BTNL9: variants seen among roughly 807,000 people sequenced by gnomAD.
The protein encoded by BTNL9 is butyrophilin-like protein 9.
Under a neutral mutation model 45.8 loss-of-function variants are expected in BTNL9, and 45 were observed. That is an observed-to-expected ratio of 0.98 (90% CI 0.77 to 1.26). The LOEUF is 1.26. BTNL9 is among the 50% of genes most tolerant of loss of function. The probability of loss-of-function intolerance (pLI) is 0.00; values close to 1 mark genes in which losing one functional copy is unlikely to be tolerated. For synonymous variants in BTNL9, 346 were observed against 330.8 expected (o/e 1.05, Z -0.50); for missense variants, 784 against 729.7 (o/e 1.07, Z -0.86).
In BTNL9 at chr5:181,053,835, T is replaced by C. The variant is rs1023039207; in HGVS notation, c.886+334T>C. 1 of 1,508,798 alleles carries C rather than the reference T, an allele frequency of 6.6e-7. No individual in the cohort carries two copies. The highest frequency in any genetic ancestry group is 1.4e-5 in the African/African-American group (1 of 72,500). The allele number at this position is 1,508,798 out of a possible 1,614,324, so 93.5% of individuals were successfully genotyped here. ...CTGCCAGCGCCACCTCGTCCAGGTT[T>C]TCATAGCGCACAGGGAGTCGGGCGG... On this transcript the variant is annotated intron_variant, in intron 6 of 10. Coordinates refer to ENST00000327705, the MANE Select transcript of BTNL9 (RefSeq NM_152547.5). This position sits in a 1 kb window ranked among gnomAD's most constrained non-coding sequence, Gnocchi z 6.5.
Position 181,059,309 on chromosome 5 carries a change from C to T in BTNL9, c.1055C>T (p.Ser352Phe), listed in dbSNP as rs778640512. ...EVSEDGKSVS[S>F]RGAPPGPAPG... ...TCGGAGGATGGCAAGAGCGTGTCTT[C>T]CCGCGGGGCGCCGCCAGGCCCGGCG... is the stretch of plus-strand genomic sequence containing the variant. The change falls in exon 11 of 11, where the codon TCC becomes TTC. Residue 352 changes from serine (S) to phenylalanine (F), a missense_variant. By Grantham distance (155) the Ser-to-Phe change is radical. Transcript: ENST00000327705. The T allele has an allele frequency of 1.6e-5, 25 of 1,562,744 alleles. No individual in the cohort carries two copies. The highest frequency in any genetic ancestry group is 9.5e-5 in the African/African-American group (7 of 73,806).
intron 1 of BTNL9, among the ~76,000 whole-genome samples, chr5:181,043,701 G>A (rs574674287): frequency 3.4e-4 from 51 of 152,236 alleles, no homozygotes; most frequent in Non-Finnish European, 6.8e-4. Context: ...TCTAACCTGT[G>A]TCTAGAATCC....
rs772491013 is a variant in BTNL9 at position 181,059,558 on chromosome 5, C to G, written c.1304C>G (p.Pro435Arg). The change falls in exon 11 of 11, where the codon CCG (proline) becomes CGG (arginine). Residue 435 changes from proline to arginine, a missense_variant. By Grantham distance (103) the Pro-to-Arg change is moderately radical. Coordinates refer to ENST00000327705, the MANE Select transcript of BTNL9 (RefSeq NM_152547.5). ...GGCTGCGAGTACTTCGTCCTGGCCC[C>G]GCACCGCGTCGCGCTCACCCTGCGC... ...WNGCEYFVLA[P>R]HRVALTLRVP... The G allele has an allele frequency of 6.2e-7, 1 of 1,611,118 alleles. No individual in the cohort carries two copies. Among genetic ancestry groups the G allele is most frequent in the Non-Finnish European group, 8.5e-7 (1 of 1,179,432 alleles).
chr5:181,059,174 G>GGGGAAGACACGGACGGGGCCC, intron 10 of BTNL9, 63 bp from the exon 11 acceptor site: 1 of 1,421,402 alleles, frequency 7.0e-7, no homozygotes, highest in Non-Finnish European at 9.2e-7. Flanking sequence ...TGTCCGCCTT[G>GGGGAAGACACGGACGGGGCCC]GGGAAGACAC....
chr5:181,058,240 A>G (rs1180000169), intron 9 of BTNL9, 112 bp from the exon 10 acceptor site: 2 of 1,234,056 alleles, frequency 1.6e-6, no homozygotes, highest in Non-Finnish European at 2.4e-6. Context: ...CACAGTGGGA[A>G]TGGGGTCATT....
At chr5:181,044,095 C>T (rs1760953507) in intron 1 of BTNL9, among the ~76,000 whole-genome samples, 1 of 152,222 alleles carries the variant, frequency 6.6e-6, no homozygotes, top group South Asian at 2.1e-4. Flanking sequence ...GCCCATGCGC[C>T]TCACAGGCCA....
rs199946610 is a variant in BTNL9, at chr5:181,051,863, A to T, written c.737-1337A>T. Among the ~76,000 whole-genome samples the T allele has an allele frequency of 6.6e-5, 10 of 152,304 alleles. No individual in the cohort carries two copies. The East Asian group carries it at 1.2e-3, about 18-fold the overall frequency. On this transcript the variant is annotated intron_variant, in intron 4 of 10. Transcript: ENST00000327705. ...TATTATGAAACAAGTTTATATAAAAATTTTTAGATGGGTAAATGTTTGCAT... is the reference window on the plus strand; with the variant it reads ...TATTATGAAACAAGTTTATATAAAATTTTTTAGATGGGTAAATGTTTGCAT...
At position 181,050,372 on chromosome 5, in the gene BTNL9, C is replaced by G. The variant is rs1761467635; in HGVS notation, c.736+3C>G. On this transcript the variant is annotated splice_donor_region_variant and intron_variant, in intron 4 of 10. Transcript: ENST00000327705. This position sits in a 1 kb window ranked among gnomAD's most constrained non-coding sequence, Gnocchi z 4.9. Reference sequence around the variant, plus strand: ...AGAGTTGGTGGTCCAGATAGCAGGTCAGTGGCTGTTAGCTCACACCCATCT... The same window carrying G: ...AGAGTTGGTGGTCCAGATAGCAGGTGAGTGGCTGTTAGCTCACACCCATCT... 1 of 1,613,560 alleles carries G rather than the reference C, an allele frequency of 6.2e-7. No homozygotes were observed. Among genetic ancestry groups the G allele is most frequent in the Non-Finnish European group, 8.5e-7 (1 of 1,179,738 alleles).
At position 181,059,126 on chromosome 5, in the gene BTNL9, C is replaced by A. The variant is rs1223577504; in HGVS notation, c.983-111C>A. 13 of 1,403,500 alleles carry A rather than the reference C, an allele frequency of 9.3e-6. No individual in the cohort carries two copies. The East Asian group carries it at 3.5e-4, about 38-fold the overall frequency. The allele number at this position is 1,403,500 out of a possible 1,614,324, so 86.9% of individuals were successfully genotyped here. On this transcript the variant is annotated intron_variant, in intron 10 of 10. Coordinates refer to ENST00000327705, the MANE Select transcript of BTNL9 (RefSeq NM_152547.5). Reference sequence around the variant, plus strand: ...GGGGTGAGGGTCGGGGTAAGGGGTTCATTTCCTCGATTATTCCACCAAGAG... The same window carrying A: ...GGGGTGAGGGTCGGGGTAAGGGGTTAATTTCCTCGATTATTCCACCAAGAG...
rs765356204 is a variant in BTNL9, at chr5:181,059,531, A to T, written c.1277A>T (p.Asn426Ile). The T allele has an allele frequency of 1.9e-6, 3 of 1,606,652 alleles. No homozygotes were observed. The highest frequency in any genetic ancestry group is 2.5e-6 in the Non-Finnish European group (3 of 1,178,512). ...GGCTACTGGGTGCTGGGGCTGTGGAACGGCTGCGAGTACTTCGTCCTGGCC... is the reference window on the plus strand; with the variant it reads ...GGCTACTGGGTGCTGGGGCTGTGGATCGGCTGCGAGTACTTCGTCCTGGCC... ...AAGYWVLGLW[N>I]GCEYFVLAPH... The change falls in exon 11 of 11, where the codon AAC (asparagine) becomes ATC (isoleucine). Residue 426 changes from asparagine to isoleucine, a missense_variant. Transcript: ENST00000327705.
intron 10 of BTNL9, among the ~76,000 whole-genome samples, chr5:181,058,963 G>A (rs1324887438): frequency 1.3e-5 from 2 of 152,032 alleles, no homozygotes; most frequent in South Asian, 2.1e-4. Context: ...CTCCCTCCCC[G>A]CCAGCCTACT....
intron 10 of BTNL9, among the ~76,000 whole-genome samples, 159 bp downstream of exon 10, chr5:181,058,537 G>A (rs1444868701): frequency 2.0e-5 from 3 of 152,128 alleles, no homozygotes; most frequent in East Asian, 1.9e-4. Context: ...CACGCCACAC[G>A]ACACATATGC....
In BTNL9 at chr5:181,059,326, G is replaced by A. The variant is rs779675336; in HGVS notation, c.1072G>A (p.Gly358Ser). 7.1e-6 allele frequency: 11 copies of A among 1,553,046 alleles called. No homozygotes were observed. The highest frequency in any genetic ancestry group is 9.5e-6 in the Non-Finnish European group (11 of 1,153,598). The change falls in exon 11 of 11, where the codon GGC (glycine) becomes AGC (serine). Residue 358 changes from glycine to serine, a missense_variant. Coordinates refer to ENST00000327705, the MANE Select transcript of BTNL9 (RefSeq NM_152547.5). The stretch of plus-strand genomic sequence containing the variant: ...CGTGTCTTCCCGCGGGGCGCCGCCA[G>A]GCCCGGCGCCTGGCCACCCGCAGCG... ...KSVSSRGAPP[G>S]PAPGHPQRFS...
At chr5:181,046,493 T>C (rs1288049291) in intron 2 of BTNL9, among the ~76,000 whole-genome samples, 1 of 152,316 alleles carries the variant, frequency 6.6e-6, no homozygotes. Flanking sequence ...TCATGAAAGA[T>C]GTAGCCAACA....
At position 181,059,697 on chromosome 5, in the gene BTNL9, G is replaced by C. The variant is rs748525887; in HGVS notation, c.1443G>C (p.Ala481=). The change falls in exon 11 of 11, where the codon GCG becomes GCC. Residue 481 remains alanine, a synonymous_variant. Transcript: ENST00000327705. The part of the protein sequence containing the change: ...IFTFHDTFSG[A]LCAYFRPRAH... ...CCTTCCACGACACCTTCTCGGGCGC[G>C]CTCTGTGCGTACTTCAGGCCCAGGG... 6.2e-7 allele frequency: 1 copy of C among 1,613,602 alleles called. No individual in the cohort carries two copies. Among genetic ancestry groups the C allele is most frequent in the South Asian group, 1.1e-5 (1 of 91,084 alleles).
At position 181,059,598 on chromosome 5, in the gene BTNL9, C is replaced by T; in HGVS notation, c.1344C>T (p.Arg448=). 1.2e-6 allele frequency: 2 copies of T among 1,613,256 alleles called. No individual in the cohort carries two copies. Among genetic ancestry groups the T allele is most frequent in the South Asian group, 1.1e-5 (1 of 91,082 alleles). The change falls in exon 11 of 11, where the codon CGC becomes CGT. Residue 448 remains arginine (R), a synonymous_variant. Coordinates refer to ENST00000327705, the MANE Select transcript of BTNL9 (RefSeq NM_152547.5). ...VALTLRVPPR[R]LGVFLDYEAG... is the part of the protein sequence containing the mutation. Reference sequence around the variant, plus strand: ...TCACCCTGCGCGTGCCCCCGCGGCGCCTGGGCGTCTTCCTGGACTACGAGG... The same window carrying T: ...TCACCCTGCGCGTGCCCCCGCGGCGTCTGGGCGTCTTCCTGGACTACGAGG...
Position 181,055,111 on chromosome 5 carries a change from C to T in BTNL9, c.908-322C>T, listed in dbSNP as rs566559418. The T allele has an allele frequency of 1.5e-5, 17 of 1,146,480 alleles. No homozygotes were observed. In the East Asian group the frequency reaches 1.8e-4, roughly 12 times the overall value. 71.0% of individuals were successfully genotyped at this position (1,146,480 alleles called of 1,614,324 possible). A position where few individuals can be genotyped will look rare whatever the true frequency, so the allele number is the denominator to read the frequency against. ...AGTGCCTGCACTTAGGCGGGAGCTCCGCCCCAGGAAGCTTGTGATTTCAGG... is the reference window on the plus strand; with the variant it reads ...AGTGCCTGCACTTAGGCGGGAGCTCTGCCCCAGGAAGCTTGTGATTTCAGG... On this transcript the variant is annotated intron_variant, in intron 7 of 10. Transcript: ENST00000327705. This position sits in a 1 kb window ranked among gnomAD's most constrained non-coding sequence, Gnocchi z 4.4.
intron 2 of BTNL9, among the ~76,000 whole-genome samples, chr5:181,046,766 A>G (rs1165281411): frequency 2.6e-5 from 4 of 152,106 alleles, no homozygotes; most frequent in Non-Finnish European, 4.4e-5. Flanking sequence ...GCTAAGAGCA[A>G]TGATTTGTTC....
chr5:181,056,319 A>G lies in BTNL9; in HGVS notation c.955+304A>G, dbSNP rs138896343. 3.6e-3 allele frequency among the ~76,000 whole-genome samples: 548 copies of G among 151,994 alleles called. 2 individuals are homozygous for G. Among genetic ancestry groups the G allele is most frequent in the African/African-American group, 0.013 (525 of 41,430 alleles). Reference sequence around the variant, plus strand: ...TGTACATGTAAATACTTCTCTGCATACCTCCCTCTATTCACCCATAATGCA... The same window carrying G: ...TGTACATGTAAATACTTCTCTGCATGCCTCCCTCTATTCACCCATAATGCA... On this transcript the variant is annotated intron_variant, in intron 9 of 10. Coordinates refer to ENST00000327705, the MANE Select transcript of BTNL9 (RefSeq NM_152547.5).
Sources: gnomAD v4.1 joint callset for allele counts (sites outside exome capture counted in the v4.1 genomes callset) on GRCh38, gnomAD v4.1.1 for gene constraint, Gnocchi (gnomAD v3.1) non-coding constraint, MANE v1.5 for transcripts, NCBI Gene and HGNC (gene_info 2026-07-23, HGNC 2026-07-21) for gene names.